The following INVS variants were observed in gnomAD, a reference collection of about 807,000 sequenced individuals.
The protein encoded by INVS is inversion of embryo turning homolog.
INVS carries 86 observed loss-of-function variants against 108.8 expected under a neutral mutation model. The observed-to-expected ratio is 0.79, with a 90% CI of 0.66 to 0.95. The LOEUF (loss-of-function observed/expected upper bound fraction) is 0.95. Ranked by LOEUF, INVS falls within the 40% of genes least tolerant of loss-of-function variation. The pLI is 0.00. For synonymous variants in INVS, 455 were observed against 473.5 expected (o/e 0.96, Z 0.51); for missense variants, 1,169 against 1,297.4 (o/e 0.90, Z 1.52).
chr9:100,279,287 C>T (rs182500024), intron 12 of INVS, among the ~76,000 whole-genome samples: 5 of 152,224 alleles, frequency 3.3e-5, no homozygotes. Flanking sequence ...TGAAGTCACA[C>T]AGCTAGTAAG....
At chr9:100,201,141 T>C (rs1213462744) in intron 3 of INVS, among the ~76,000 whole-genome samples, 2 of 152,250 alleles carry the variant, frequency 1.3e-5, no homozygotes, top group Non-Finnish European at 2.9e-5. Context: ...GCTTCATGTC[T>C]GCATTGGTTC....
chr9:100,184,981 G>A (rs1352313794), intron 3 of INVS, among the ~76,000 whole-genome samples: 1 of 152,148 alleles, frequency 6.6e-6, no homozygotes, highest in Non-Finnish European at 1.5e-5. Context: ...GCATGCCATA[G>A]ATTTATTGAT....
chr9:100,101,028 T>C (rs1564112650), intron 1 of INVS, among the ~76,000 whole-genome samples: 1 of 105,506 alleles, frequency 9.5e-6, no homozygotes, highest in African/African-American at 3.7e-5. Context: ...ATATATATTA[T>C]ATATATTATA....
intron 11 of INVS, among the ~76,000 whole-genome samples, chr9:100,266,254 G>A (rs192034837): frequency 1.9e-4 from 29 of 152,266 alleles, no homozygotes; most frequent in African/African-American, 6.5e-4. Context: ...GAGGGTTCTT[G>A]GATCTTGCAC....
At chr9:100,214,978 C>T (rs1000851359) in intron 3 of INVS, 7 of 152,212 alleles carry the variant, frequency 4.6e-5, no homozygotes, top group African/African-American at 1.7e-4. Flanking sequence ...TGTCCCATTC[C>T]AGTAGATATA....
At chr9:100,284,660 T>C (rs545413150) in intron 13 of INVS, 57 bp downstream of exon 13, 1 of 1,569,584 alleles carries the variant, frequency 6.4e-7, no homozygotes, top group East Asian at 2.3e-5. Context: ...GCTTTTTTGA[T>C]TGGTGTATTT....
At chr9:100,210,563 A>G (rs1438331756) in intron 3 of INVS, among the ~76,000 whole-genome samples, 1 of 152,158 alleles carries the variant, frequency 6.6e-6, no homozygotes, top group Non-Finnish European at 1.5e-5. Flanking sequence ...CCCTCTTCAC[A>G]AGGACATCTT....
chr9:100,212,346 C>A (rs1263587045), intron 3 of INVS, among the ~76,000 whole-genome samples: 1 of 152,026 alleles, frequency 6.6e-6, no homozygotes, highest in East Asian at 1.9e-4. Flanking sequence ...ATTCATATTT[C>A]CAATTTATAT....
At chr9:100,134,003 T>C (rs959158264) in intron 3 of INVS, among the ~76,000 whole-genome samples, 7 of 152,180 alleles carry the variant, frequency 4.6e-5, no homozygotes, top group Non-Finnish European at 1.0e-4. Context: ...GAGTAAGTTC[T>C]CTAGTGGAGA....
intron 2 of INVS, among the ~76,000 whole-genome samples, chr9:100,112,647 T>C (rs1231041568): frequency 6.9e-6 from 1 of 144,182 alleles, no homozygotes; most frequent in Non-Finnish European, 1.5e-5. Flanking sequence ...ACACTAACAC[T>C]AACAATAGCT....
At chr9:100,267,134 T>C (rs1207802818) in intron 11 of INVS, among the ~76,000 whole-genome samples, 3 of 152,086 alleles carry the variant, frequency 2.0e-5, no homozygotes, top group South Asian at 2.1e-4. Flanking sequence ...CTGACTGCTA[T>C]ATTTTTAAGG....
chr9:100,128,729 G>A (rs118056577), intron 3 of INVS, among the ~76,000 whole-genome samples: 1 of 152,076 alleles, frequency 6.6e-6, no homozygotes, highest in Non-Finnish European at 1.5e-5. Context: ...TAAACCAAAC[G>A]TGAACTGACA....
At chr9:100,249,771 G>A (rs1832165761) in intron 8 of INVS, among the ~76,000 whole-genome samples, 1 of 149,520 alleles carries the variant, frequency 6.7e-6, no homozygotes, top group Non-Finnish European at 1.5e-5. Flanking sequence ...TGGGATTACA[G>A]GCATGAGCCA....
chr9:100,230,664 G>A lies in INVS; in HGVS notation c.615+837G>A, dbSNP rs1289861483. ...GTCCCGGGTAGCTGGGACTGCAGGC[G>A]TGCGCCACCGTGCCTGGCTAATTTC... On this transcript the variant is annotated intron_variant, in intron 5 of 16. Coordinates refer to ENST00000262457, the MANE Select transcript of INVS (RefSeq NM_014425.5). 4.6e-5 allele frequency among the ~76,000 whole-genome samples: 7 copies of A among 152,086 alleles called. No individual in the cohort carries two copies. In the South Asian group the frequency reaches 8.3e-4, roughly 18 times the overall value.
chr9:100,173,365 G>A (rs1363333100), intron 3 of INVS, among the ~76,000 whole-genome samples: 1 of 152,290 alleles, frequency 6.6e-6, no homozygotes, highest in Admixed American at 6.5e-5. Flanking sequence ...TGAAAACTGA[G>A]TAGAAATCTG....
intron 5 of INVS, among the ~76,000 whole-genome samples, chr9:100,235,763 A>C (rs1433948053): frequency 6.6e-6 from 1 of 152,108 alleles, no homozygotes. Context: ...TTTCCCTTTA[A>C]GGGTAACCTG....
At chr9:100,104,719 T>C in intron 2 of INVS, 92 bp downstream of exon 2, 1 of 801,036 alleles carries the variant, frequency 1.2e-6, no homozygotes, top group Non-Finnish European at 2.2e-6. Context: ...AATGTACTCA[T>C]ACATTTTAAT....
intron 2 of INVS, among the ~76,000 whole-genome samples, chr9:100,106,469 A>G (rs1015691883): frequency 1.9e-4 from 29 of 152,080 alleles, no homozygotes; most frequent in African/African-American, 5.6e-4. Flanking sequence ...GCCATTTTCA[A>G]CTTTCCCTCA....
chr9:100,132,481 C>T lies in INVS; in HGVS notation c.273+5932C>T, dbSNP rs549082678. On this transcript the variant is annotated intron_variant, in intron 3 of 16. Transcript: ENST00000262457. ...TCTTCATCTATAAAATGGAATAATA[C>T]ATCCTATCTTCTATGTAGGGATGAT... 7.9e-5 allele frequency among the ~76,000 whole-genome samples: 12 copies of T among 152,292 alleles called. No individual in the cohort carries two copies. The East Asian group carries it at 2.3e-3, about 29-fold the overall frequency.
Sources: gnomAD v4.1 joint callset for allele counts (sites outside exome capture counted in the v4.1 genomes callset) on GRCh38, gnomAD v4.1.1 for gene constraint, MANE v1.5 for transcripts, NCBI Gene and HGNC (gene_info 2026-07-23, HGNC 2026-07-21) for gene names.